The following EPB41L1 variants were observed in gnomAD, a reference collection of about 807,000 sequenced individuals.
The protein encoded by EPB41L1 is band 4.1-like protein 1.
EPB41L1 carries 29 observed loss-of-function variants against 97.8 expected under a neutral mutation model. The ratio of observed to expected loss-of-function variants is 0.30; its 90% CI spans 0.22 to 0.40. The LOEUF (loss-of-function observed/expected upper bound fraction) is 0.40. Ranked by LOEUF, EPB41L1 falls within the 10% of genes least tolerant of loss-of-function variation. The pLI, the probability that EPB41L1 is intolerant of heterozygous loss-of-function variation, is 1.00. For missense variants in EPB41L1, 812 were observed against 1,162.3 expected (o/e 0.70, Z 4.38); for synonymous variants, 383 against 459.2 (o/e 0.83, Z 2.12).
At chr20:36,205,403 T>C (rs1230387304) in intron 14 of EPB41L1, among the ~76,000 whole-genome samples, 1 of 152,174 alleles carries the variant, frequency 6.6e-6, no homozygotes, top group East Asian at 1.9e-4. Context: ...ATTTACACAA[T>C]ATGGAAATGA....
rs2146920999 is a variant in EPB41L1 at position 36,214,494 on chromosome 20, C to T, written c.2268+54C>T. The stretch of plus-strand genomic sequence containing the variant: ...CTGACCAGCCCCCTGCCCCACCAAA[C>T]AGCCAGAGAACAAGCTAACATCGCC... On this transcript the variant is annotated intron_variant, in intron 17 of 21. Transcript: ENST00000338074. The T allele has an allele frequency of 2.1e-6, 3 of 1,449,536 alleles. No individual in the cohort carries two copies. The East Asian group carries it at 7.1e-5, about 34-fold the overall frequency. The allele number at this position is 1,449,536 out of a possible 1,614,324, so 89.8% of individuals were successfully genotyped here. A position where few individuals can be genotyped will look rare whatever the true frequency, so the allele number is the denominator to read the frequency against.
At chr20:36,222,762 C>T (rs749240222) in intron 21 of EPB41L1, among the ~76,000 whole-genome samples, 14 of 152,086 alleles carry the variant, frequency 9.2e-5, no homozygotes, top group East Asian at 1.9e-4. Context: ...GTCTATAAAC[C>T]GGAAGTCAGA....
chr20:36,094,324 G>C (rs1438380958), intron 1 of EPB41L1, among the ~76,000 whole-genome samples: 1 of 152,176 alleles, frequency 6.6e-6, no homozygotes, highest in Non-Finnish European at 1.5e-5. Context: ...TCTGTACCGG[G>C]CCACGCCATT....
intron 2 of EPB41L1, among the ~76,000 whole-genome samples, chr20:36,133,993 A>G (rs551059985): frequency 7.2e-5 from 11 of 152,338 alleles, no homozygotes; most frequent in African/African-American, 2.6e-4. Context: ...AGGAAGCTGA[A>G]CCAGCAGTTG....
At chr20:36,215,417 C>G (rs970968398) in intron 17 of EPB41L1, among the ~76,000 whole-genome samples, 9 of 152,200 alleles carry the variant, frequency 5.9e-5, no homozygotes, top group African/African-American at 1.9e-4. Flanking sequence ...GGGAAGGTAG[C>G]AGTGCTGGAG....
intron 5 of EPB41L1, among the ~76,000 whole-genome samples, chr20:36,179,858 G>A (rs1462081287): frequency 1.3e-5 from 2 of 152,242 alleles, no homozygotes; most frequent in Non-Finnish European, 2.9e-5. Flanking sequence ...CAGACAGAGT[G>A]CACTCCTCGG....
In EPB41L1 at chr20:36,232,690, C is replaced by G. The variant is rs1219278634; in HGVS notation, c.*3350C>G. 2.5e-6 allele frequency: 1 copy of G among 399,180 alleles called. No individual in the cohort carries two copies. Among genetic ancestry groups the G allele is most frequent in the African/African-American group, 2.1e-5 (1 of 48,712 alleles). The allele number at this position is 399,180 out of a possible 1,614,324, so 24.7% of individuals were successfully genotyped here. A position where few individuals can be genotyped will look rare whatever the true frequency, so the allele number is the denominator to read the frequency against. ...TCCTTTTTACTCACACCCTTCTCTC[C>G]TTTCTCGTCCCCATGCTCCCCCACC... On this transcript the variant is annotated 3_prime_UTR_variant, in exon 22 of 22. Transcript: ENST00000338074.
chr20:36,214,242 G>GT, intron 16 of EPB41L1, 115 bp from the exon 17 acceptor site: 1 of 753,504 alleles, frequency 1.3e-6, no homozygotes, highest in Non-Finnish European at 2.3e-6. Flanking sequence ...CCCCCTGCCA[G>GT]TGATGTTCAC....
chr20:36,093,450 AGGAAG>A lies in EPB41L1; in HGVS notation c.-65+1839_-65+1843del, dbSNP rs2057724548. 6.8e-6 allele frequency among the ~76,000 whole-genome samples: 1 copy of A among 147,948 alleles called. No individual in the cohort carries two copies. Among genetic ancestry groups the A allele is most frequent in the Non-Finnish European group, 1.5e-5 (1 of 67,140 alleles). On this transcript the variant is annotated intron_variant, in intron 1 of 19. Coordinates refer to the EPB41L1 transcript ENST00000202028. The surrounding 1 kb of genome is among the most constrained non-coding windows in gnomAD (Gnocchi z 5.4). The stretch of plus-strand genomic sequence containing the variant: ...GCGGCTTTGTCTTCGCACTGCCGGG[AGGAAG>A]CGGTGGGGGCGGCGGTCCAGGCGCC...
chr20:36,110,617 T>G (rs920233147), intron 1 of EPB41L1: 3 of 120,112 alleles, frequency 2.5e-5, no homozygotes, highest in African/African-American at 1.1e-4. Flanking sequence ...GGCCTCAGTT[T>G]GCTTTACACA....
Position 36,220,735 on chromosome 20 carries a change from G to C in EPB41L1, c.2439+891G>C, listed in dbSNP as rs150671257. On this transcript the variant is annotated intron_variant, in intron 19 of 21. Transcript: ENST00000338074. The stretch of plus-strand genomic sequence containing the variant: ...AGAGCTCAGGCAGCAAGAGGTAGGG[G>C]CAAAGGAGGGAAGCCTTCCTGGGTG... Among the ~76,000 whole-genome samples, 212 of 152,246 alleles carry C rather than the reference G, an allele frequency of 1.4e-3. 1 individual carries two copies. Among genetic ancestry groups the C allele is most frequent in the African/African-American group, 4.7e-3 (196 of 41,562 alleles).
chr20:36,155,334 CT>C (rs1472114513), intron 1 of EPB41L1: 2 of 365,924 alleles, frequency 5.5e-6, no homozygotes, highest in Non-Finnish European at 1.1e-5. Context: ...GTTACGGACC[CT>C]TCCCCGCTCT....
At chr20:36,227,717 A>G (rs967773836) in intron 21 of EPB41L1, among the ~76,000 whole-genome samples, 4 of 152,178 alleles carry the variant, frequency 2.6e-5, no homozygotes, top group African/African-American at 4.8e-5. Flanking sequence ...CTCCAGAAAC[A>G]TCTGTCCCTG....
At chr20:36,216,661 G>T (rs1468664805) in intron 17 of EPB41L1, among the ~76,000 whole-genome samples, 2 of 152,144 alleles carry the variant, frequency 1.3e-5, no homozygotes, top group African/African-American at 4.8e-5. Context: ...CCCATGATGT[G>T]TATAGTTCTG....
At chr20:36,117,337 T>A (rs781562429) in intron 2 of EPB41L1, among the ~76,000 whole-genome samples, 1 of 152,174 alleles carries the variant, frequency 6.6e-6, no homozygotes, top group Non-Finnish European at 1.5e-5. Context: ...ACTCTTACAG[T>A]CTCTGGAGTC....
chr20:36,131,857 G>T (rs2059223145), intron 2 of EPB41L1, among the ~76,000 whole-genome samples: 1 of 152,288 alleles, frequency 6.6e-6, no homozygotes, highest in African/African-American at 2.4e-5. Context: ...GTGGCCCTCT[G>T]TTCAAGAATA....
At chr20:36,143,916 G>A (rs1309909290) in intron 2 of EPB41L1, among the ~76,000 whole-genome samples, 4 of 151,620 alleles carry the variant, frequency 2.6e-5, no homozygotes, top group Non-Finnish European at 5.9e-5. Flanking sequence ...GCAGTGGCGC[G>A]ATTTTGGCTC....
intron 1 of EPB41L1, among the ~76,000 whole-genome samples, chr20:36,159,646 A>G (rs1347664717): frequency 6.6e-6 from 1 of 152,234 alleles, no homozygotes; most frequent in African/African-American, 2.4e-5. Context: ...GAGTGAACTA[A>G]TCAAGAGGGG....
At chr20:36,220,401 A>G (rs1284979354) in intron 19 of EPB41L1, among the ~76,000 whole-genome samples, 1 of 152,172 alleles carries the variant, frequency 6.6e-6, no homozygotes, top group Non-Finnish European at 1.5e-5. Flanking sequence ...TGTTTATGGG[A>G]CATGAGAAGC....
Sources: gnomAD v4.1 joint callset for allele counts (sites outside exome capture counted in the v4.1 genomes callset) on GRCh38, gnomAD v4.1.1 for gene constraint, Gnocchi (gnomAD v3.1) non-coding constraint, MANE v1.5 for transcripts, NCBI Gene and HGNC (gene_info 2026-07-23, HGNC 2026-07-21) for gene names.